Variants in PAX4 observed in about 807,000 individuals in gnomAD.
PAX4 encodes paired box 4.
In PAX4, 33 loss-of-function variants were observed where a neutral mutation model predicts 40.6. The ratio of observed to expected loss-of-function variants is 0.81; its 90% CI spans 0.62 to 1.09. The LOEUF is 1.09. Among genes scored for constraint, PAX4 ranks in the 50% least tolerant of loss-of-function variants. The pLI, the probability that PAX4 is intolerant of heterozygous loss-of-function variation, is 0.00. For missense variants in PAX4, 459 were observed against 442.5 expected (o/e 1.04, Z -0.33); for synonymous variants, 174 against 170.6 (o/e 1.02, Z -0.16).
rs777410850 is a variant in PAX4, at chr7:127,615,057, G to A, written c.183C>T (p.Tyr61=). The part of the protein sequence containing the change: ...NGCVSKILGR[Y]YRTGVLEPKG... ...TTGGCTCCAAGACACCTGTGCGGTA[G>A]TAACGCCCTAGGATCTTGCTCACAC... Residue 61 remains tyrosine (Y), a synonymous_variant, in exon 5 of 12, where the codon TAC becomes TAT. Transcript: ENST00000639438. 6.2e-7 allele frequency: 1 copy of A among 1,614,208 alleles called. No individual in the cohort carries two copies. Among genetic ancestry groups the A allele is most frequent in the Non-Finnish European group, 8.5e-7 (1 of 1,180,030 alleles).
chr7:127,610,986 CTG>C lies in PAX4; in HGVS notation c.*76_*77del, dbSNP rs2117445826. The C allele has an allele frequency of 6.4e-7, 1 of 1,553,330 alleles. No individual in the cohort carries two copies. Among genetic ancestry groups the C allele is most frequent in the South Asian group, 1.2e-5 (1 of 84,276 alleles). ...ACAGGAAGGAGGAAGGAGCCACAGT[CTG>C]TATGGGCAGGACGGTAAGGACAATG... On this transcript the variant is annotated 3_prime_UTR_variant, in exon 12 of 12. Coordinates refer to ENST00000639438, the MANE Select transcript of PAX4 (RefSeq NM_001366110.1).
Position 127,610,394 on chromosome 7 carries a change from A to G in PAX4, c.*670T>C, listed in dbSNP as rs946096211. On this transcript the variant is annotated 3_prime_UTR_variant, in exon 12 of 12. Transcript: ENST00000639438. ...ATACAAAATACATATGACAAAATAC[A>G]TATGACAAAAATACATAATTTTCTT... 7.0e-6 allele frequency: 1 copy of G among 143,610 alleles called. No individual in the cohort carries two copies. The highest frequency in any genetic ancestry group is 1.4e-5 in the Non-Finnish European group (1 of 72,090). 8.9% of individuals were successfully genotyped at this position (143,610 alleles called of 1,614,324 possible).
At position 127,610,574 on chromosome 7, in the gene PAX4, C is replaced by CGT. The variant is rs61525512; in HGVS notation, c.*489_*490insAC. 1.0e-4 allele frequency: 32 copies of CGT among 305,302 alleles called. No homozygotes were observed. The highest frequency in any genetic ancestry group is 5.6e-4 in the African/African-American group (17 of 30,136). The allele number at this position is 305,302 out of a possible 1,614,324, so 18.9% of individuals were successfully genotyped here. On this transcript the variant is annotated 3_prime_UTR_variant, in exon 12 of 12. Coordinates refer to ENST00000639438, the MANE Select transcript of PAX4 (RefSeq NM_001366110.1). ...GTGTGTGTGTGTGTGTGTGTGTGCG[C>CGT]GCACGCATGCACGCATACATAATAC...
At position 127,615,485 on chromosome 7, in the gene PAX4, C is replaced by T. The variant is rs890850319; in HGVS notation, c.60G>A (p.Arg20=). ...GCTGCCGGGTATCCAGAGGCAGGGGCCGGCCATTCACAAAGAGCCCCCCAA... is the reference window on the plus strand; with the variant it reads ...GCTGCCGGGTATCCAGAGGCAGGGGTCGGCCATTCACAAAGAGCCCCCCAA... ...NQLGGLFVNG[R]PLPLDTRQQI... The change falls in exon 4 of 12, where the codon CGG becomes CGA. Residue 20 remains arginine, a synonymous_variant. Coordinates refer to ENST00000639438, the MANE Select transcript of PAX4 (RefSeq NM_001366110.1). 1.9e-6 allele frequency: 3 copies of T among 1,614,090 alleles called. No homozygotes were observed. Among genetic ancestry groups the T allele is most frequent in the Admixed American group, 3.3e-5 (2 of 60,010 alleles).
chr7:127,614,444 T>C, intron 6 of PAX4, 38 bp downstream of exon 6: 2 of 1,476,064 alleles, frequency 1.4e-6, no homozygotes, highest in Non-Finnish European at 9.3e-7. Context: ...GCTAGAGATT[T>C]GGCTGTGATT....
chr7:127,614,913 A>G lies in PAX4; in HGVS notation c.327T>C (p.Ala109=). Residue 109 remains alanine, a synonymous_variant, in exon 5 of 12, where the codon GCT becomes GCC. Transcript: ENST00000639438. The part of the protein sequence containing the change: ...FAWEIQRQLC[A]EGLCTQDKTP... The stretch of plus-strand genomic sequence containing the variant: ...TCTTGTCCTGGGTGCAAAGCCCTTC[A>G]GCACAAAGCTGGCGTTGGATTTCCC... The G allele has an allele frequency of 6.2e-7, 1 of 1,614,178 alleles. No homozygotes were observed. The highest frequency in any genetic ancestry group is 8.5e-7 in the Non-Finnish European group (1 of 1,180,026).
In PAX4 at chr7:127,611,926, C is replaced by T; in HGVS notation, c.771+19G>A. ...CTTCAGTCTTCCCAGGGCACAGACT[C>T]CCCTCTCCTCCCGAGTACCTGTGCA... On this transcript the variant is annotated intron_variant, in intron 10 of 11. Coordinates refer to ENST00000639438, the MANE Select transcript of PAX4 (RefSeq NM_001366110.1). The T allele has an allele frequency of 1.2e-6, 2 of 1,613,872 alleles. No homozygotes were observed. Among genetic ancestry groups the T allele is most frequent in the Non-Finnish European group, 8.5e-7 (1 of 1,179,942 alleles).
At position 127,611,069 on chromosome 7, in the gene PAX4, C is replaced by G; in HGVS notation, c.1051G>C (p.Glu351Gln). The G allele has an allele frequency of 1.2e-6, 2 of 1,605,060 alleles. No homozygotes were observed. The highest frequency in any genetic ancestry group is 1.7e-6 in the Non-Finnish European group (2 of 1,175,010). Residue 351 changes from glutamate (E) to glutamine (Q), a missense_variant, in exon 12 of 12, where the codon GAA becomes CAA. Glu to Gln is a conservative substitution (Grantham distance 29). Coordinates refer to ENST00000639438, the MANE Select transcript of PAX4 (RefSeq NM_001366110.1). ...ATCTCCTTCCCACTCCTGCCTCATTCCAAGCCATACAGTAGTGGGCAGCCA... is the reference window on the plus strand; with the variant it reads ...ATCTCCTTCCCACTCCTGCCTCATTGCAAGCCATACAGTAGTGGGCAGCCA... ...WPGCPLLYGL[E>Q]
intron 7 of PAX4, 89 bp downstream of exon 7, chr7:127,613,667 C>T (rs968571423): frequency 3.1e-6 from 5 of 1,601,748 alleles, no homozygotes; most frequent in Non-Finnish European, 4.3e-6. Flanking sequence ...CACACCTGCA[C>T]CTCTCAGCCT....
chr7:127,612,082 G>C (rs1322205044), intron 9 of PAX4, 82 bp from the exon 10 acceptor site: 22 of 1,363,394 alleles, frequency 1.6e-5, no homozygotes, highest in Non-Finnish European at 2.1e-5. Context: ...AGGAAGGTTG[G>C]ATACAAAGAG....
intron 3 of PAX4, 44 bp downstream of exon 3, chr7:127,615,872 C>A: frequency 6.5e-7 from 1 of 1,535,910 alleles, no homozygotes; most frequent in Non-Finnish European, 8.7e-7. Context: ...CTTCCCCTGT[C>A]TCTGTTGTCC....
chr7:127,610,823 T>A lies in PAX4; in HGVS notation c.*241A>T. On this transcript the variant is annotated 3_prime_UTR_variant, in exon 12 of 12. Coordinates refer to ENST00000639438, the MANE Select transcript of PAX4 (RefSeq NM_001366110.1). ...AACTACTGCTAATAAAAACAGCTTT[T>A]ATTACTGCTGAGTGGAGGCCTCTTA... 1 of 1,510,690 alleles carries A rather than the reference T, an allele frequency of 6.6e-7. No homozygotes were observed. The allele number at this position is 1,510,690 out of a possible 1,614,324, so 93.6% of individuals were successfully genotyped here.
rs1169468976 is a variant in PAX4 at position 127,610,762 on chromosome 7, TA to T, written c.*301del. On this transcript the variant is annotated 3_prime_UTR_variant, in exon 12 of 12. Coordinates refer to ENST00000639438, the MANE Select transcript of PAX4 (RefSeq NM_001366110.1). ...TAATTGTTGAATATTAGAGTGGGCA[TA>T]GGGGTGCTCATAGGGAAAACATGAT... The T allele has an allele frequency of 4.3e-6, 4 of 925,826 alleles. No homozygotes were observed. Among genetic ancestry groups the T allele is most frequent in the East Asian group, 5.2e-5 (2 of 38,136 alleles). The allele number at this position is 925,826 out of a possible 1,614,324, so 57.4% of individuals were successfully genotyped here.
intron 8 of PAX4, 134 bp from the exon 9 acceptor site, chr7:127,613,225 A>G: frequency 1.1e-6 from 1 of 881,292 alleles, no homozygotes; most frequent in Non-Finnish European, 1.9e-6. Flanking sequence ...TCCCTGCTCT[A>G]GCTTTTGCTC....
At chr7:127,615,339 C>G (rs774388435) in intron 4 of PAX4, 62 bp downstream of exon 4, 189 of 1,613,476 alleles carry the variant, frequency 1.2e-4, no homozygotes, top group Non-Finnish European at 1.5e-4. Context: ...CTCTTGCCTT[C>G]AGAGGAGCCC....
At chr7:127,614,681 C>A in intron 5 of PAX4, 124 bp from the exon 6 acceptor site, 1 of 1,097,944 alleles carries the variant, frequency 9.1e-7, no homozygotes, top group South Asian at 1.3e-5. Context: ...CAAGGGCAGC[C>A]TCCTCTCTCT....
Position 127,611,074 on chromosome 7 carries a change from C to T in PAX4, c.1046G>A (p.Gly349Asp), listed in dbSNP as rs2117445953. 6.2e-7 allele frequency: 1 copy of T among 1,606,334 alleles called. No homozygotes were observed. Among genetic ancestry groups the T allele is most frequent in the South Asian group, 1.1e-5 (1 of 89,658 alleles). ...LLWPGCPLLY[G>D]LE ...CTTCCCACTCCTGCCTCATTCCAAG[C>T]CATACAGTAGTGGGCAGCCAGGCCA... The change falls in exon 12 of 12, where the codon GGC (glycine) becomes GAC (aspartate). Residue 349 changes from glycine to aspartate, a missense_variant. Coordinates refer to ENST00000639438, the MANE Select transcript of PAX4 (RefSeq NM_001366110.1).
chr7:127,614,884 G>A lies in PAX4; in HGVS notation c.356C>T (p.Pro119Leu), dbSNP rs116676303. The change falls in exon 5 of 12, where the codon CCC (proline) becomes CTC (leucine). Residue 119 changes from proline (P) to leucine (L), a missense_variant. Coordinates refer to ENST00000639438, the MANE Select transcript of PAX4 (RefSeq NM_001366110.1). ...AEGLCTQDKTPSVSSINRVLR... is the reference protein window; with the variant it reads ...AEGLCTQDKTLSVSSINRVLR... ...TGGGGAGGGAAGGGTACTTACACTG[G>A]GAGTCTTGTCCTGGGTGCAAAGCCC... 1.7e-5 allele frequency: 27 copies of A among 1,613,850 alleles called. No individual in the cohort carries two copies. The East Asian group carries it at 6.0e-4, about 36-fold the overall frequency.
intron 3 of PAX4, 125 bp downstream of exon 3, chr7:127,615,791 A>G (rs1794716152): frequency 6.6e-7 from 1 of 1,519,594 alleles, no homozygotes; most frequent in South Asian, 1.2e-5. Flanking sequence ...GAAGGGAGGG[A>G]CTGGAAAAAG....
Sources: gnomAD v4.1 joint callset for allele counts on GRCh38, gnomAD v4.1.1 for gene constraint, MANE v1.5 for transcripts, NCBI Gene and HGNC (gene_info 2026-07-23, HGNC 2026-07-21) for gene names.